RTEL1: variants seen among roughly 807,000 people sequenced by gnomAD.
RTEL1 encodes regulator of telomere length.
Under a neutral mutation model 162.2 loss-of-function variants are expected in RTEL1, and 86 were observed. The ratio of observed to expected loss-of-function variants is 0.53; its 90% confidence interval spans 0.45 to 0.63. The LOEUF (loss-of-function observed/expected upper bound fraction) is 0.63, where lower values mean the gene tolerates loss of function less well. Among genes scored for constraint, RTEL1 ranks in the 30% least tolerant of loss-of-function variants. RTEL1 has a pLI of 0.00. For synonymous variants in RTEL1, 958 were observed against 717.9 expected, an observed-to-expected ratio of 1.33 and a Z score of -5.35; for missense variants, 1,941 against 1,750.2, an observed-to-expected ratio of 1.11 and a Z score of -1.95.
chr20:63,678,582 C>T (rs1259910204), intron 12 of RTEL1, among the ~76,000 whole-genome samples: 1 of 151,602 alleles, frequency 6.6e-6, no homozygotes, highest in East Asian at 1.9e-4. Flanking sequence ...CACACACACC[C>T]ATGGAACAGC....
intron 24 of RTEL1, 81 bp from the exon 25 acceptor site, chr20:63,690,006 G>T: frequency 1.3e-6 from 2 of 1,571,680 alleles, no homozygotes; most frequent in Non-Finnish European, 1.7e-6. Context: ...GGCCCCTGCA[G>T]CAGATGAGGG....
In RTEL1 at chr20:63,695,436, G is replaced by T. The variant is rs2145479866; in HGVS notation, c.3608G>T (p.Ser1203Ile). ...VGAGGEDAGP[S>I]QSSGPPHGPA... ...GCGGGCGGTGAGGATGCAGGTCCCA[G>T]CCAGTCCTCAGGACCTCCCCACGGG... The change falls in exon 34 of 35, where the codon AGC (serine) becomes ATC (isoleucine). Residue 1203 changes from serine (S) to isoleucine (I), a missense_variant. Ser to Ile is a moderately radical substitution (Grantham distance 142). Coordinates refer to ENST00000360203, the MANE Select transcript of RTEL1 (RefSeq NM_001283009.2). 1.9e-6 allele frequency: 3 copies of T among 1,574,640 alleles called. No individual in the cohort carries two copies. The highest frequency in any genetic ancestry group is 1.7e-6 in the Non-Finnish European group (2 of 1,159,326).
intron 10 of RTEL1, 145 bp downstream of exon 10, chr20:63,674,238 A>G: frequency 7.2e-7 from 1 of 1,396,268 alleles, no homozygotes; most frequent in Non-Finnish European, 9.4e-7. Context: ...TGCAGTGGGC[A>G]GCCTGCCCTG....
At chr20:63,682,386 G>C (rs771100613) in intron 14 of RTEL1, 1 of 960,592 alleles carries the variant, frequency 1.0e-6, no homozygotes, top group South Asian at 4.8e-5. Context: ...TCTGGAACCG[G>C]ATCCTGGAAC....
Position 63,688,608 on chromosome 20 carries a change from C to A in RTEL1, c.1800+3C>A. ...GGAGCAAAGGCAGCTTCTCCGAGGT[C>A]GGCACTTGGCCGGGGCTCTGGGCCT... On this transcript the variant is annotated splice_donor_region_variant and intron_variant, in intron 21 of 34. Transcript: ENST00000360203. The A allele has an allele frequency of 1.2e-6, 2 of 1,603,658 alleles. No individual in the cohort carries two copies. The highest frequency in any genetic ancestry group is 1.3e-5 in the African/African-American group (1 of 74,978).
At position 63,667,562 on chromosome 20, in the gene RTEL1, T is replaced by C. The variant is rs1445812014; in HGVS notation, c.699+9T>C. 6.2e-7 allele frequency: 1 copy of C among 1,610,746 alleles called. No homozygotes were observed. Among genetic ancestry groups the C allele is most frequent in the South Asian group, 1.1e-5 (1 of 91,014 alleles). The stretch of plus-strand genomic sequence containing the variant: ...ACTTGTTGGATGCCAAGGTGGGGGC[T>C]CAGTCCTGTAGCTGACGACTCCTGA... On this transcript the variant is annotated intron_variant, in intron 8 of 34. Coordinates refer to ENST00000360203, the MANE Select transcript of RTEL1 (RefSeq NM_001283009.2).
At chr20:63,688,812 C>A in intron 21 of RTEL1, 1 of 634,016 alleles carries the variant, frequency 1.6e-6, no homozygotes, top group Non-Finnish European at 2.7e-6. Flanking sequence ...GTAACAGTGG[C>A]CCTCCTGTCT....
rs1189498293 is a variant in RTEL1, at chr20:63,694,888, A to G, written c.3257A>G (p.Tyr1086Cys). 6.2e-7 allele frequency: 1 copy of G among 1,612,624 alleles called. No homozygotes were observed. The highest frequency in any genetic ancestry group is 1.7e-5 in the Admixed American group (1 of 60,020). The change falls in exon 32 of 35, where the codon TAT becomes TGT. Residue 1086 changes from tyrosine (Y) to cysteine (C), a missense_variant. Transcript: ENST00000360203. ...CAACTCTTGGCAGCGCTGACAGCCT[A>G]TAAGCAAGACGACGACCTCGACAAG... ...CSQLLAALTA[Y>C]KQDDDLDKVL...
intron 2 of RTEL1, among the ~76,000 whole-genome samples, chr20:63,659,905 C>T (rs1347254808): frequency 6.6e-6 from 1 of 152,206 alleles, no homozygotes; most frequent in African/African-American, 2.4e-5. Flanking sequence ...AGGAATGCGG[C>T]AGGACAGCAA....
At chr20:63,694,568 G>A in intron 31 of RTEL1, 80 bp downstream of exon 31, 1 of 1,324,980 alleles carries the variant, frequency 7.5e-7, no homozygotes, top group East Asian at 2.3e-5. Flanking sequence ...CTTGAGTGTG[G>A]CCGGGGCTGC....
intron 14 of RTEL1, chr20:63,681,010 C>T: frequency 1.0e-6 from 1 of 985,404 alleles, no homozygotes; most frequent in Non-Finnish European, 1.2e-6. Flanking sequence ...TGTCCGGGCC[C>T]TCAGGCCAGG....
chr20:63,661,562 G>T lies in RTEL1; in HGVS notation c.301+66G>T. The stretch of plus-strand genomic sequence containing the variant: ...ATGGTTGGCAAGGGATGGCGCTGAG[G>T]GTGGGGTGGGCCCATGGGGACTCCT... On this transcript the variant is annotated intron_variant, in intron 3 of 34. Coordinates refer to ENST00000360203, the MANE Select transcript of RTEL1 (RefSeq NM_001283009.2). This position sits in a 1 kb window ranked among gnomAD's most constrained non-coding sequence, Gnocchi z 5.1. 1.3e-6 allele frequency: 2 copies of T among 1,499,840 alleles called. No individual in the cohort carries two copies. Among genetic ancestry groups the T allele is most frequent in the South Asian group, 2.4e-5 (2 of 84,622 alleles). 92.9% of individuals were successfully genotyped at this position (1,499,840 alleles called of 1,614,324 possible). A position where few individuals can be genotyped will look rare whatever the true frequency, so the allele number is the denominator to read the frequency against.
At position 63,693,023 on chromosome 20, in the gene RTEL1, C is replaced by G. The variant is rs747329908; in HGVS notation, c.2851+20C>G. 4 of 1,611,810 alleles carry G rather than the reference C, an allele frequency of 2.5e-6. No homozygotes were observed. Among genetic ancestry groups the G allele is most frequent in the Non-Finnish European group, 2.5e-6 (3 of 1,179,310 alleles). ...TCCAAGGTGCCCTGGCTTGCAGAGG[C>G]CACCCACCCTGAGGGCAGTGCTGCC... On this transcript the variant is annotated intron_variant, in intron 29 of 34. Transcript: ENST00000360203.
At position 63,693,025 on chromosome 20, in the gene RTEL1, A is replaced by C. The variant is rs183229024; in HGVS notation, c.2851+22A>C. On this transcript the variant is annotated intron_variant, in intron 29 of 34. Coordinates refer to ENST00000360203, the MANE Select transcript of RTEL1 (RefSeq NM_001283009.2). ...CAAGGTGCCCTGGCTTGCAGAGGCC[A>C]CCCACCCTGAGGGCAGTGCTGCCGC... 891 of 1,611,822 alleles carry C rather than the reference A, an allele frequency of 5.5e-4. 3 individuals are homozygous for C. In the African/African-American group the frequency reaches 0.01, roughly 19 times the overall value.
At position 63,696,061 on chromosome 20, in the gene RTEL1, C is replaced by G; in HGVS notation, c.*203C>G. 1.7e-6 allele frequency: 1 copy of G among 584,090 alleles called. No homozygotes were observed. The highest frequency in any genetic ancestry group is 3.0e-6 in the Non-Finnish European group (1 of 332,714). 36.2% of individuals were successfully genotyped at this position (584,090 alleles called of 1,614,324 possible). A position where few individuals can be genotyped will look rare whatever the true frequency, so the allele number is the denominator to read the frequency against. On this transcript the variant is annotated 3_prime_UTR_variant, in exon 35 of 35. Coordinates refer to ENST00000360203, the MANE Select transcript of RTEL1 (RefSeq NM_001283009.2). The stretch of plus-strand genomic sequence containing the variant: ...CTGCCTCTGAGAAGCCCTGAGCTAC[C>G]TTGGGGTCTGGGGTGGGTTTCTGGG...
chr20:63,694,304 G>A, intron 30 of RTEL1, 68 bp from the exon 31 acceptor site: 1 of 813,004 alleles, frequency 1.2e-6, no homozygotes, highest in Non-Finnish European at 2.1e-6. Context: ...AGCCAGCCCT[G>A]CCCCCCCACC....
At position 63,691,880 on chromosome 20, in the gene RTEL1, C is replaced by T. The variant is rs200827238; in HGVS notation, c.2652+43C>T. On this transcript the variant is annotated intron_variant, in intron 28 of 34. Coordinates refer to ENST00000360203, the MANE Select transcript of RTEL1 (RefSeq NM_001283009.2). ...GCACCTGTGCCGACCACCATAGACA[C>T]GCATGGGAACGCAGCCGTGGGTGCC... The T allele has an allele frequency of 3.3e-4, 500 of 1,523,508 alleles. 2 individuals are homozygous for T. Among genetic ancestry groups the T allele is most frequent in the East Asian group, 1.1e-3 (50 of 44,374 alleles). 94.4% of individuals were successfully genotyped at this position (1,523,508 alleles called of 1,614,324 possible).
intron 7 of RTEL1, among the ~76,000 whole-genome samples, chr20:63,666,697 G>T (rs2090135440): frequency 1.3e-5 from 2 of 152,046 alleles, no homozygotes; most frequent in African/African-American, 4.8e-5. Context: ...CACCATGCCT[G>T]GTTAATTTTT....
At chr20:63,678,205 T>C in intron 11 of RTEL1, 22 bp downstream of exon 11, 1 of 1,613,610 alleles carries the variant, frequency 6.2e-7, no homozygotes, top group Non-Finnish European at 8.5e-7. Flanking sequence ...CCTCCCCGCC[T>C]CCTTGCAGCT....
Sources: gnomAD v4.1 joint callset for allele counts (sites outside exome capture counted in the v4.1 genomes callset) on GRCh38, gnomAD v4.1.1 for gene constraint, Gnocchi (gnomAD v3.1) non-coding constraint, MANE v1.5 for transcripts, NCBI Gene and HGNC (gene_info 2026-07-23, HGNC 2026-07-21) for gene names.